Variants in ATP4A observed in about 807,000 individuals in gnomAD.
ATP4A encodes potassium-transporting ATPase alpha chain 1.
A neutral mutation model predicts 112.1 loss-of-function variants in ATP4A; 73 were observed. The ratio of observed to expected loss-of-function variants is 0.65; its 90% confidence interval spans 0.54 to 0.79. The LOEUF is 0.79. Among genes scored for constraint, ATP4A ranks in the 30% least tolerant of loss-of-function variants. ATP4A has a pLI of 0.00. For synonymous variants in ATP4A, 588 were observed against 588.9 expected (o/e 1.00, Z 0.02); for missense variants, 1,081 against 1,425.9 (o/e 0.76, Z 3.90).
In ATP4A at chr19:35,551,188, G is replaced by T; in HGVS notation, c.2886-77C>A. 7.0e-7 allele frequency: 1 copy of T among 1,427,700 alleles called. No individual in the cohort carries two copies. The highest frequency in any genetic ancestry group is 9.7e-7 in the Non-Finnish European group (1 of 1,035,928). 88.4% of individuals were successfully genotyped at this position (1,427,700 alleles called of 1,614,324 possible). A position where few individuals can be genotyped will look rare whatever the true frequency, so the allele number is the denominator to read the frequency against. On this transcript the variant is annotated intron_variant, in intron 19 of 21. Transcript: ENST00000262623. The surrounding 1 kb of genome is among the most constrained non-coding windows in gnomAD (Gnocchi z 5.2). Reference sequence around the variant, plus strand: ...AATCAGGATACTGTGGGTCAAAGTAGGTCAGATGTCAGCAGCAGCAGGGAG... The same window carrying T: ...AATCAGGATACTGTGGGTCAAAGTATGTCAGATGTCAGCAGCAGCAGGGAG...
In ATP4A at chr19:35,555,401, C is replaced by A; in HGVS notation, c.2157+39G>T. 1 of 1,602,024 alleles carries A rather than the reference C, an allele frequency of 6.2e-7. No homozygotes were observed. The highest frequency in any genetic ancestry group is 8.5e-7 in the Non-Finnish European group (1 of 1,172,426). ...GAGGCCGGTCCAAGACCAGCCCCGCCTGTCTGCCCGCCTGCCCACCCTCAT... is the reference window on the plus strand; with the variant it reads ...GAGGCCGGTCCAAGACCAGCCCCGCATGTCTGCCCGCCTGCCCACCCTCAT... On this transcript the variant is annotated intron_variant, in intron 14 of 21. Coordinates refer to ENST00000262623, the MANE Select transcript of ATP4A (RefSeq NM_000704.3). This position sits in a 1 kb window ranked among gnomAD's most constrained non-coding sequence, Gnocchi z 6.6.
Position 35,558,213 on chromosome 19 carries a change from G to T in ATP4A, c.1500+149C>A. ...CGGGGCCTTGCCTCTGGTGGACGGG[G>T]CCATAGGCGGAGCGGGAGATGGGGT... On this transcript the variant is annotated intron_variant, in intron 10 of 21. Transcript: ENST00000262623. The surrounding 1 kb of genome is among the most constrained non-coding windows in gnomAD (Gnocchi z 5.1). 9.3e-7 allele frequency: 1 copy of T among 1,081,008 alleles called. No homozygotes were observed. Among genetic ancestry groups the T allele is most frequent in the East Asian group, 2.6e-5 (1 of 38,264 alleles). The allele number at this position is 1,081,008 out of a possible 1,614,324, so 67.0% of individuals were successfully genotyped here.
Position 35,560,955 on chromosome 19 carries a change from G to C in ATP4A, c.421-23C>G. 4.2e-5 allele frequency: 67 copies of C among 1,581,278 alleles called. No homozygotes were observed. Among genetic ancestry groups the C allele is most frequent in the Non-Finnish European group, 5.5e-5 (63 of 1,150,452 alleles). On this transcript the variant is annotated intron_variant, in intron 4 of 21. Transcript: ENST00000262623. This position sits in a 1 kb window ranked among gnomAD's most constrained non-coding sequence, Gnocchi z 5.1. Reference sequence around the variant, plus strand: ...CAGCTGGGGACAGGGAAGGGGTGGGGTTATTCAGAGGGGCCGGAAGCTGCC... The same window carrying C: ...CAGCTGGGGACAGGGAAGGGGTGGGCTTATTCAGAGGGGCCGGAAGCTGCC...
Position 35,550,567 on chromosome 19 carries a change from C to T in ATP4A, c.*48G>A. 6.2e-7 allele frequency: 1 copy of T among 1,611,038 alleles called. No individual in the cohort carries two copies. The highest frequency in any genetic ancestry group is 8.5e-7 in the Non-Finnish European group (1 of 1,177,392). On this transcript the variant is annotated 3_prime_UTR_variant, in exon 22 of 22. Transcript: ENST00000262623. This position sits in a 1 kb window ranked among gnomAD's most constrained non-coding sequence, Gnocchi z 4.1. ...GTCCAGAGGGTCCCACGAGCCCTGCCCCCACCTGCTGTGGCAGTTGCAGGG... is the reference window on the plus strand; with the variant it reads ...GTCCAGAGGGTCCCACGAGCCCTGCTCCCACCTGCTGTGGCAGTTGCAGGG...
At position 35,557,041 on chromosome 19, in the gene ATP4A, C is replaced by T. The variant is rs1229432912; in HGVS notation, c.1741G>A (p.Ala581Thr). ...LNEKDYPPGY[A>T]FDVEAMNFPS... ...AAGTTCATGGCCTCTACGTCGAAGGCATAGCCAGGCGGGTAGTCCTTCTCA... is the reference window on the plus strand; with the variant it reads ...AAGTTCATGGCCTCTACGTCGAAGGTATAGCCAGGCGGGTAGTCCTTCTCA... Residue 581 changes from alanine to threonine, a missense_variant, in exon 12 of 22, where the codon GCC becomes ACC. Physicochemically the swap from Ala to Thr is moderately conservative, Grantham distance 58. This residue lies in a region of ATP4A where 850 missense variants were observed against 1,068.2 expected (regional missense o/e 0.80). Transcript: ENST00000262623. The surrounding 1 kb of genome is among the most constrained non-coding windows in gnomAD (Gnocchi z 4.4). The T allele has an allele frequency of 6.2e-7, 1 of 1,614,204 alleles. No individual in the cohort carries two copies. The highest frequency in any genetic ancestry group is 8.5e-7 in the Non-Finnish European group (1 of 1,180,030).
Position 35,559,813 on chromosome 19 carries a change from T to C in ATP4A, c.1048A>G (p.Thr350Ala). 6.2e-7 allele frequency: 1 copy of C among 1,613,858 alleles called. No homozygotes were observed. Among genetic ancestry groups the C allele is most frequent in the Non-Finnish European group, 8.5e-7 (1 of 1,179,820 alleles). The change falls in exon 7 of 22, where the codon ACT (threonine) becomes GCT (alanine). Residue 350 changes from threonine to alanine, a missense_variant. By Grantham distance (58) the Thr-to-Ala change is moderately conservative. Around this residue, in one of 3 missense-constraint regions of ATP4A, gnomAD observed 850 missense variants for 1,068.2 expected, o/e 0.80. Coordinates refer to ENST00000262623, the MANE Select transcript of ATP4A (RefSeq NM_000704.3). This position sits in a 1 kb window ranked among gnomAD's most constrained non-coding sequence, Gnocchi z 4.1. The part of the protein sequence containing the change: ...VAYVPEGLLA[T>A]VTVCLSLTAK... ...CGCCTGCCCCCACTCACTGTGACAGTGGCCAGCAGCCCCTCAGGCACATAG... is the reference window on the plus strand; with the variant it reads ...CGCCTGCCCCCACTCACTGTGACAGCGGCCAGCAGCCCCTCAGGCACATAG...
At position 35,559,146 on chromosome 19, in the gene ATP4A, C is replaced by T. The variant is rs1238988064; in HGVS notation, c.1102G>A (p.Val368Met). Residue 368 changes from valine to methionine, a missense_variant, in exon 8 of 22, where the codon GTG becomes ATG. Physicochemically the swap from Val to Met is conservative, Grantham distance 21. This residue lies in a region of ATP4A where 850 missense variants were observed against 1,068.2 expected (regional missense o/e 0.80). Coordinates refer to ENST00000262623, the MANE Select transcript of ATP4A (RefSeq NM_000704.3). The surrounding 1 kb of genome is among the most constrained non-coding windows in gnomAD (Gnocchi z 4.1). ...TCCACCGCCTCCAGGTTCTTGACCACGCAGTTCTTACTGGCCAGGCGCTTG... is the reference window on the plus strand; with the variant it reads ...TCCACCGCCTCCAGGTTCTTGACCATGCAGTTCTTACTGGCCAGGCGCTTG... ...TAKRLASKNC[V>M]VKNLEAVETL... 3 of 1,614,182 alleles carry T rather than the reference C, an allele frequency of 1.9e-6. No homozygotes were observed. The highest frequency in any genetic ancestry group is 2.5e-6 in the Non-Finnish European group (3 of 1,180,036).
rs1461812828 is a variant in ATP4A at position 35,550,336 on chromosome 19, CCT to C, written c.*277_*278del. 1.9e-6 allele frequency: 1 copy of C among 522,772 alleles called. No homozygotes were observed. Among genetic ancestry groups the C allele is most frequent in the East Asian group, 3.4e-5 (1 of 29,590 alleles). 32.4% of individuals were successfully genotyped at this position (522,772 alleles called of 1,614,324 possible). On this transcript the variant is annotated 3_prime_UTR_variant, in exon 22 of 22. Transcript: ENST00000262623. This position sits in a 1 kb window ranked among gnomAD's most constrained non-coding sequence, Gnocchi z 4.1. ...CCTCCAGAAGCGGTCAGCTGTACTCCCTGTCAGAGCCCCACCGCCACCACAGG... is the reference window on the plus strand; with the variant it reads ...CCTCCAGAAGCGGTCAGCTGTACTCCGTCAGAGCCCCACCGCCACCACAGG...
chr19:35,561,957 A>C (rs2071673509), intron 4 of ATP4A, among the ~76,000 whole-genome samples: 1 of 149,478 alleles, frequency 6.7e-6, no homozygotes, highest in Non-Finnish European at 1.5e-5. Flanking sequence ...CTGGGTTCAA[A>C]TGATTCTCCT....
At position 35,562,429 on chromosome 19, in the gene ATP4A, G is replaced by A; in HGVS notation, c.420+6C>T. The A allele has an allele frequency of 6.2e-7, 1 of 1,612,684 alleles. No homozygotes were observed. The highest frequency in any genetic ancestry group is 8.5e-7 in the Non-Finnish European group (1 of 1,179,292). On this transcript the variant is annotated splice_donor_region_variant and intron_variant, in intron 4 of 21. Transcript: ENST00000262623. ...GTCCTGAGCCTGTCCCCACAACATG[G>A]CTCACATTGTCGTCGGTGGTGAGGT...
At position 35,557,618 on chromosome 19, in the gene ATP4A, C is replaced by T. The variant is rs2071638449; in HGVS notation, c.1693+37G>A. ...GGCAGGGTCTGTGCTAGCTCCTCCT[C>T]GCACCTGGAGTCTCCTCCCCTGCCC... On this transcript the variant is annotated intron_variant, in intron 11 of 21. Coordinates refer to ENST00000262623, the MANE Select transcript of ATP4A (RefSeq NM_000704.3). This position sits in a 1 kb window ranked among gnomAD's most constrained non-coding sequence, Gnocchi z 4.4. 6.4e-7 allele frequency: 1 copy of T among 1,569,266 alleles called. No homozygotes were observed. Among genetic ancestry groups the T allele is most frequent in the Non-Finnish European group, 8.6e-7 (1 of 1,156,512 alleles).
rs373342803 is a variant in ATP4A, at chr19:35,560,006, C to T, written c.855G>A (p.Ala285=). 4.5e-5 allele frequency: 72 copies of T among 1,614,116 alleles called. No homozygotes were observed. Among genetic ancestry groups the T allele is most frequent in the East Asian group, 6.7e-5 (3 of 44,894 alleles). Reference sequence around the variant, plus strand: ...GTGTCTTCTCGTTTTCCACCCCCGACGCCAGCGATGCGATGCGCCCAATGA... The same window carrying T: ...GTGTCTTCTCGTTTTCCACCCCCGATGCCAGCGATGCGATGCGCCCAATGA... The part of the protein sequence containing the change: ...RTIIGRIASL[A]SGVENEKTPI... Residue 285 remains alanine, a synonymous_variant, in exon 7 of 22, where the codon GCG becomes GCA. Coordinates refer to ENST00000262623, the MANE Select transcript of ATP4A (RefSeq NM_000704.3). This position sits in a 1 kb window ranked among gnomAD's most constrained non-coding sequence, Gnocchi z 5.1.
rs61749491 is a variant in ATP4A at position 35,556,925 on chromosome 19, G to A, written c.1857C>T (p.Thr619=). 8.5e-3 allele frequency: 13,707 copies of A among 1,613,726 alleles called. 61 individuals are homozygous for A. Among genetic ancestry groups the A allele is most frequent in the Non-Finnish European group, 0.01 (11,874 of 1,179,712 alleles). The change falls in exon 12 of 22, where the codon ACC becomes ACT. Residue 619 remains threonine (T), a synonymous_variant. Transcript: ENST00000262623. The stretch of plus-strand genomic sequence containing the variant: ...CACAGTGGCATACCCGGATGCCTGC[G>A]GTGCGACACTTGAGCACAGCATCAG... The part of the protein sequence containing the change: ...TVPDAVLKCR[T]AGIRVIMVTG...
In ATP4A at chr19:35,555,687, C is replaced by A; in HGVS notation, c.1995G>T (p.Gln665His). Residue 665 changes from glutamine (Q) to histidine (H), a missense_variant, in exon 13 of 22, where the codon CAG becomes CAT. By Grantham distance (24) the Gln-to-His change is conservative (BLOSUM62 0). Coordinates refer to ENST00000262623, the MANE Select transcript of ATP4A (RefSeq NM_000704.3). This position sits in a 1 kb window ranked among gnomAD's most constrained non-coding sequence, Gnocchi z 6.6. The part of the protein sequence containing the change: ...IAARLRVPVD[Q>H]VNRKDARACV... ...CTGGGGGGGCTTACTTGCGATTAAC[C>A]TGGTCTACGGGCACACGGAGGCGGG... 1 of 1,604,198 alleles carries A rather than the reference C, an allele frequency of 6.2e-7. No individual in the cohort carries two copies. Among genetic ancestry groups the A allele is most frequent in the Non-Finnish European group, 8.5e-7 (1 of 1,171,788 alleles).
Position 35,558,169 on chromosome 19 carries a change from G to T in ATP4A, c.1500+193C>A. 1.3e-6 allele frequency: 1 copy of T among 761,610 alleles called. No homozygotes were observed. The highest frequency in any genetic ancestry group is 2.1e-6 in the Non-Finnish European group (1 of 484,728). The allele number at this position is 761,610 out of a possible 1,614,324, so 47.2% of individuals were successfully genotyped here. Reference sequence around the variant, plus strand: ...ACAGTCCCGCCGAGGAGAAGCTGTGGGCGGGGCTGGGTGGTGGGCGGGGCC... The same window carrying T: ...ACAGTCCCGCCGAGGAGAAGCTGTGTGCGGGGCTGGGTGGTGGGCGGGGCC... On this transcript the variant is annotated intron_variant, in intron 10 of 21. Coordinates refer to ENST00000262623, the MANE Select transcript of ATP4A (RefSeq NM_000704.3). The surrounding 1 kb of genome is among the most constrained non-coding windows in gnomAD (Gnocchi z 5.1).
At position 35,555,172 on chromosome 19, in the gene ATP4A, C is replaced by T. The variant is rs1045465356; in HGVS notation, c.2320G>A (p.Glu774Lys). ...DNFASIVTGVEQGRLIFDNLK... is the reference protein window; with the variant it reads ...DNFASIVTGVKQGRLIFDNLK... ...CCCCTGGCGTGGCTCGGACCCTGCT[C>T]CACGCCTGTCACAATGGAGGCAAAG... is the stretch of plus-strand genomic sequence containing the variant. The change falls in exon 15 of 22, where the codon GAG becomes AAG. Residue 774 changes from glutamate (E) to lysine (K), a missense_variant. Coordinates refer to ENST00000262623, the MANE Select transcript of ATP4A (RefSeq NM_000704.3). The surrounding 1 kb of genome is among the most constrained non-coding windows in gnomAD (Gnocchi z 6.6). 6.2e-7 allele frequency: 1 copy of T among 1,614,072 alleles called. No individual in the cohort carries two copies. Among genetic ancestry groups the T allele is most frequent in the African/African-American group, 1.3e-5 (1 of 74,918 alleles).
At chr19:35,556,270 T>C (rs1476861503) in intron 12 of ATP4A, among the ~76,000 whole-genome samples, 1 of 152,052 alleles carries the variant, frequency 6.6e-6, no homozygotes, top group Non-Finnish European at 1.5e-5. Flanking sequence ...GAGGACACCA[T>C]AACTGCAGAG....
Position 35,550,714 on chromosome 19 carries a change from T to A in ATP4A, c.3080-71A>T, listed in dbSNP as rs2071596414. On this transcript the variant is annotated intron_variant, in intron 21 of 21. Coordinates refer to ENST00000262623, the MANE Select transcript of ATP4A (RefSeq NM_000704.3). This position sits in a 1 kb window ranked among gnomAD's most constrained non-coding sequence, Gnocchi z 4.1. ...TTAGGCAGGGCCAGGGGCTCAGAGG[T>A]CAGTGCTGGTTGCTATGGAGGGTCA... 1 of 1,609,718 alleles carries A rather than the reference T, an allele frequency of 6.2e-7. No individual in the cohort carries two copies. Among genetic ancestry groups the A allele is most frequent in the East Asian group, 2.2e-5 (1 of 44,810 alleles).
chr19:35,555,225 G>A lies in ATP4A; in HGVS notation c.2267C>T (p.Ala756Val). 2 of 1,614,178 alleles carry A rather than the reference G, an allele frequency of 1.2e-6. No homozygotes were observed. The highest frequency in any genetic ancestry group is 1.7e-6 in the Non-Finnish European group (2 of 1,180,032). ...GTCATCCAGCAGGATCATGTCAGCT[G>A]CATTTTTGGCAGCATCTGAGCCAGC... is the stretch of plus-strand genomic sequence containing the variant. ...GIAGSDAAKN[A>V]ADMILLDDNF... The change falls in exon 15 of 22, where the codon GCA becomes GTA. Residue 756 changes from alanine to valine, a missense_variant. Ala to Val is a moderately conservative substitution (Grantham distance 64). Around this residue, in one of 3 missense-constraint regions of ATP4A, gnomAD observed 850 missense variants for 1,068.2 expected, o/e 0.80. Transcript: ENST00000262623. The surrounding 1 kb of genome is among the most constrained non-coding windows in gnomAD (Gnocchi z 6.6).
Sources: gnomAD v4.1 joint callset for allele counts (sites outside exome capture counted in the v4.1 genomes callset) on GRCh38, gnomAD v4.1.1 for gene constraint, gnomAD v4.1.1 regional missense constraint, Gnocchi (gnomAD v3.1) non-coding constraint, MANE v1.5 for transcripts, NCBI Gene and HGNC (gene_info 2026-07-23, HGNC 2026-07-21) for gene names.